LYRM4: variants seen among roughly 807,000 people sequenced by gnomAD.
LYRM4 encodes LYR motif-containing protein 4.
Under a neutral mutation model 11.7 loss-of-function variants are expected in LYRM4, and 9 were observed. The observed-to-expected ratio is 0.77, with a 90% CI of 0.46 to 1.34. The LOEUF (loss-of-function observed/expected upper bound fraction) is 1.34, where lower values mean the gene tolerates loss of function less well. Ranked by LOEUF, LYRM4 falls within the 40% of genes most tolerant of loss-of-function variation. The pLI, the probability that LYRM4 is intolerant of heterozygous loss-of-function variation, is 0.00. For synonymous variants in LYRM4, 42 were observed against 40.4 expected, an observed-to-expected ratio of 1.04 and a Z score of -0.15; for missense variants, 133 against 112.5, an observed-to-expected ratio of 1.18 and a Z score of -0.82.
chr6:5,230,693 G>A (rs1446260341), intron 1 of LYRM4, among the ~76,000 whole-genome samples: 1 of 151,968 alleles, frequency 6.6e-6, no homozygotes, highest in Non-Finnish European at 1.5e-5. Context: ...AATTCCTCTT[G>A]GTCATTAGAT....
At chr6:5,117,298 T>C (rs1398955644) in intron 2 of LYRM4, among the ~76,000 whole-genome samples, 1 of 152,236 alleles carries the variant, frequency 6.6e-6, no homozygotes, top group Admixed American at 6.5e-5. Flanking sequence ...GGCTCACGCC[T>C]GTAATCCCAG....
chr6:5,146,240 T>C (rs1757714123), intron 2 of LYRM4, among the ~76,000 whole-genome samples: 1 of 152,152 alleles, frequency 6.6e-6, no homozygotes, highest in African/African-American at 2.4e-5. Flanking sequence ...GAGAACTAAA[T>C]GAATCGTGCA....
At chr6:5,132,959 T>G (rs1483960182) in intron 2 of LYRM4, 1 of 152,204 alleles carries the variant, frequency 6.6e-6, no homozygotes, top group African/African-American at 2.4e-5. Context: ...AAGCACGCAC[T>G]GCTGAGATTC....
chr6:5,123,736 C>T (rs571650127), intron 2 of LYRM4, among the ~76,000 whole-genome samples: 24 of 152,304 alleles, frequency 1.6e-4, no homozygotes, highest in Non-Finnish European at 2.5e-4. Flanking sequence ...CGATGGCCCA[C>T]GGCAGTTCAG....
intron 2 of LYRM4, among the ~76,000 whole-genome samples, chr6:5,179,065 C>CAAAACAAAAACAAAAAAAAA (rs1561851701): frequency 1.9e-5 from 2 of 103,914 alleles, no homozygotes; most frequent in African/African-American, 4.0e-5. Flanking sequence ...ACCAAAAAAA[C>CAAAACAAAAACAAAAAAAAA]AAAAAAAAAA....
At chr6:5,129,294 T>C (rs1365549486) in intron 2 of LYRM4, among the ~76,000 whole-genome samples, 3 of 152,226 alleles carry the variant, frequency 2.0e-5, no homozygotes, top group Admixed American at 6.5e-5. Context: ...ACAGGTGGCT[T>C]TGAACAACAC....
intron 2 of LYRM4, among the ~76,000 whole-genome samples, chr6:5,193,365 T>C (rs1421975187): frequency 2.6e-5 from 4 of 152,016 alleles, no homozygotes; most frequent in African/African-American, 9.7e-5. Flanking sequence ...CCATTTCAAA[T>C]TGTAGCTTGC....
chr6:5,162,325 C>T (rs770087859), intron 2 of LYRM4, among the ~76,000 whole-genome samples: 11 of 152,194 alleles, frequency 7.2e-5, no homozygotes, highest in Non-Finnish European at 1.5e-4. Flanking sequence ...AAAAATCCCA[C>T]TAAGTCTCCA....
chr6:5,255,904 A>G (rs956567641), intron 1 of LYRM4, among the ~76,000 whole-genome samples: 6 of 152,194 alleles, frequency 3.9e-5, no homozygotes, highest in Admixed American at 1.3e-4. Context: ...TAGTATTCCT[A>G]GATAATTCAT....
chr6:5,138,620 A>G (rs1757241084), intron 2 of LYRM4: 1 of 900,522 alleles, frequency 1.1e-6, no homozygotes, highest in African/African-American at 1.7e-5. Flanking sequence ...AGAAAACCTT[A>G]TATACTATGA....
chr6:5,090,455 G>A, the LYRM4 span, among the ~76,000 whole-genome samples: 1 of 152,164 alleles, frequency 6.6e-6, no homozygotes, highest in Non-Finnish European at 1.5e-5. This position sits in a 1 kb window ranked among gnomAD's most constrained non-coding sequence, Gnocchi z 4.8. Context: ...AGTGTACGGT[G>A]GACTCTGGAA....
chr6:5,113,731 C>A (rs1227339891), intron 2 of LYRM4, among the ~76,000 whole-genome samples: 2 of 57,870 alleles, frequency 3.5e-5, no homozygotes, highest in African/African-American at 1.6e-4. Flanking sequence ...TCTTTTCTCT[C>A]TCTCTTTTTT....
chr6:5,152,366 A>C (rs531411390), intron 2 of LYRM4, among the ~76,000 whole-genome samples: 70 of 152,142 alleles, frequency 4.6e-4, no homozygotes, highest in Non-Finnish European at 9.0e-4. Flanking sequence ...TCGGGGAAAC[A>C]CCCACAAACA....
intron 2 of LYRM4, among the ~76,000 whole-genome samples, chr6:5,156,947 C>T (rs115812901): frequency 0.017 from 2,551 of 152,240 alleles, 64 homozygotes; most frequent in African/African-American, 0.056. Flanking sequence ...CCCAATTCCA[C>T]CTTTTTAAGA....
chr6:5,186,937 T>C, intron 2 of LYRM4: 1 of 471,938 alleles, frequency 2.1e-6, no homozygotes, highest in Non-Finnish European at 2.9e-6. Flanking sequence ...TGAGCTGAGA[T>C]CGTTCCAATG....
chr6:5,098,558 G>A, the LYRM4 span, among the ~76,000 whole-genome samples: 32 of 152,328 alleles, frequency 2.1e-4, no homozygotes, highest in African/African-American at 7.5e-4. Context: ...CTAGGTACAG[G>A]AGTGTGTACA....
intron 1 of LYRM4, among the ~76,000 whole-genome samples, chr6:5,231,664 T>A (rs1177693662): frequency 2.6e-5 from 4 of 152,176 alleles, no homozygotes; most frequent in African/African-American, 7.2e-5. Context: ...TAAAATTCCA[T>A]AAATTTGAAA....
At chr6:5,090,677 G>A in the LYRM4 span, among the ~76,000 whole-genome samples, 1 of 152,196 alleles carries the variant, frequency 6.6e-6, no homozygotes, top group Non-Finnish European at 1.5e-5. This position sits in a 1 kb window ranked among gnomAD's most constrained non-coding sequence, Gnocchi z 4.8. Flanking sequence ...TGCCTTGACC[G>A]AGGGGTGAGG....
chr6:5,211,035 C>G (rs1414636827), intron 2 of LYRM4, among the ~76,000 whole-genome samples: 1 of 152,120 alleles, frequency 6.6e-6, no homozygotes, highest in Non-Finnish European at 1.5e-5. Flanking sequence ...AAACAAGAGG[C>G]ATATTAATTT....
Sources: gnomAD v4.1 joint callset for allele counts (sites outside exome capture counted in the v4.1 genomes callset) on GRCh38, gnomAD v4.1.1 for gene constraint, Gnocchi (gnomAD v3.1) non-coding constraint, MANE v1.5 for transcripts, NCBI Gene and HGNC (gene_info 2026-07-23, HGNC 2026-07-21) for gene names.